SLK: variants seen among roughly 807,000 people sequenced by gnomAD.
The protein encoded by SLK is STE20 like kinase, also known as STE20-like serine/threonine-protein kinase.
Under a neutral mutation model 147.7 loss-of-function variants are expected in SLK, and 67 were observed. The observed-to-expected ratio is 0.45, with a 90% CI of 0.37 to 0.56. The LOEUF is 0.56. Ranked by LOEUF, SLK falls within the 20% of genes least tolerant of loss-of-function variation. The probability of loss-of-function intolerance (pLI) is 0.00; values close to 1 mark genes in which losing one functional copy is unlikely to be tolerated. For missense variants in SLK, 1,136 were observed against 1,438.8 expected, an observed-to-expected ratio of 0.79 and a Z score of 3.41; for synonymous variants, 441 against 475.0, an observed-to-expected ratio of 0.93 and a Z score of 0.93.
chr10:104,007,254 C>G (rs979813366), intron 11 of SLK, among the ~76,000 whole-genome samples: 8 of 152,202 alleles, frequency 5.3e-5, no homozygotes, highest in Middle Eastern at 3.4e-3. Flanking sequence ...TACTTCACAA[C>G]AATTAGCTAT....
At chr10:103,991,965 TG>T (rs1238221702) in intron 2 of SLK, among the ~76,000 whole-genome samples, 8 of 151,844 alleles carry the variant, frequency 5.3e-5, no homozygotes, top group African/African-American at 1.9e-4. Flanking sequence ...GGAAGTTTAG[TG>T]GGAGACATAA....
At chr10:103,985,511 G>C (rs1322325930) in intron 1 of SLK, among the ~76,000 whole-genome samples, 1 of 152,182 alleles carries the variant, frequency 6.6e-6, no homozygotes, top group Admixed American at 6.5e-5. Context: ...TCAGCCTTGA[G>C]ATGAAATCAA....
At chr10:103,981,367 G>C (rs945111997) in intron 1 of SLK, among the ~76,000 whole-genome samples, 5 of 151,972 alleles carry the variant, frequency 3.3e-5, no homozygotes, top group African/African-American at 1.2e-4. Context: ...CCAGTTCCGT[G>C]TTTTCTTTTG....
intron 1 of SLK, among the ~76,000 whole-genome samples, chr10:103,980,782 C>T (rs752656450): frequency 8.5e-5 from 13 of 152,222 alleles, no homozygotes; most frequent in Middle Eastern, 3.4e-3. Flanking sequence ...TATTTAGCTA[C>T]GAACGTGGGT....
chr10:104,014,967 A>C (rs1844443978), intron 13 of SLK, among the ~76,000 whole-genome samples: 1 of 152,088 alleles, frequency 6.6e-6, no homozygotes, highest in Non-Finnish European at 1.5e-5. Flanking sequence ...TCATACCTGA[A>C]AGTAATTTCT....
chr10:103,973,123 T>C (rs1331769229), intron 1 of SLK, among the ~76,000 whole-genome samples: 3 of 152,202 alleles, frequency 2.0e-5, no homozygotes, highest in Non-Finnish European at 4.4e-5. Flanking sequence ...ATGAAGATAA[T>C]CTTCTATATT....
intron 7 of SLK, among the ~76,000 whole-genome samples, 192 bp downstream of exon 7, chr10:104,000,140 CT>C (rs1844226416): frequency 6.6e-6 from 1 of 152,102 alleles, no homozygotes; most frequent in Non-Finnish European, 1.5e-5. Flanking sequence ...TCCTCCTGTG[CT>C]TTTTTGATTC....
intron 13 of SLK, among the ~76,000 whole-genome samples, chr10:104,013,203 G>A (rs1322425813): frequency 6.6e-6 from 1 of 152,218 alleles, no homozygotes; most frequent in Non-Finnish European, 1.5e-5. Context: ...TGGTCATACA[G>A]TCATGGAGCT....
intron 13 of SLK, among the ~76,000 whole-genome samples, chr10:104,014,796 C>T (rs534776532): frequency 7.2e-5 from 11 of 152,170 alleles, no homozygotes; most frequent in Admixed American, 2.0e-4. Context: ...TTAAAGGGCA[C>T]TCATTTTACA....
At chr10:103,995,975 T>G (rs1844166043) in intron 4 of SLK, among the ~76,000 whole-genome samples, 1 of 152,210 alleles carries the variant, frequency 6.6e-6, no homozygotes, top group Admixed American at 6.5e-5. Flanking sequence ...GTTCTGGTTC[T>G]CAAGGACATT....
At chr10:103,997,569 G>A (rs1020775687) in intron 4 of SLK, among the ~76,000 whole-genome samples, 5 of 148,596 alleles carry the variant, frequency 3.4e-5, no homozygotes, top group African/African-American at 1.0e-4. Context: ...CAGTTTCTCC[G>A]CATGCTTGTC....
At chr10:103,995,423 C>CTTT (rs756975426) in intron 4 of SLK, among the ~76,000 whole-genome samples, 82 of 67,678 alleles carry the variant, frequency 1.2e-3, no homozygotes, top group Non-Finnish European at 1.6e-3. Context: ...TCTTTCTTTT[C>CTTT]TTTTTTTTTT....
In SLK at chr10:104,018,925, T is replaced by C; in HGVS notation, c.3132+17T>C. The C allele has an allele frequency of 6.5e-7, 1 of 1,549,148 alleles. No individual in the cohort carries two copies. Among genetic ancestry groups the C allele is most frequent in the Admixed American group, 2.2e-5 (1 of 44,494 alleles). On this transcript the variant is annotated intron_variant, in intron 15 of 18. Transcript: ENST00000369755. ...CACGAGAAGGTTAATGAAAGGAAAA[T>C]TTCTTCATTTTTTTGTTCGTTTTAA...
chr10:104,013,691 C>T (rs1483705983), intron 13 of SLK, among the ~76,000 whole-genome samples: 1 of 152,158 alleles, frequency 6.6e-6, no homozygotes, highest in Admixed American at 6.5e-5. Flanking sequence ...TCTTCAACGC[C>T]CAAATGCAGG....
rs111410263 is a variant in SLK at position 103,999,534 on chromosome 10, T to G, written c.782+221T>G. On this transcript the variant is annotated intron_variant, in intron 6 of 18. Transcript: ENST00000369755. ...ATCTGAAAATATGAATGATTTGAGTTTTGCATGAGAAAGGTATTTTCTGTA... is the reference window on the plus strand; with the variant it reads ...ATCTGAAAATATGAATGATTTGAGTGTTGCATGAGAAAGGTATTTTCTGTA... Among the ~76,000 whole-genome samples the G allele has an allele frequency of 1.3e-3, 203 of 152,252 alleles. 1 individual carries two copies. Among genetic ancestry groups the G allele is most frequent in the African/African-American group, 4.7e-3 (196 of 41,552 alleles).
Position 103,996,335 on chromosome 10 carries a change from GT to G in SLK, c.515-2549del, listed in dbSNP as rs780860379. 8.8e-3 allele frequency among the ~76,000 whole-genome samples: 1,075 copies of G among 121,892 alleles called. 3 individuals carry two copies. Among genetic ancestry groups the G allele is most frequent in the Non-Finnish European group, 0.011 (599 of 56,578 alleles). The allele number at this position is 121,892 out of a possible 152,430, so 80.0% of individuals were successfully genotyped here. A position where few individuals can be genotyped will look rare whatever the true frequency, so the allele number is the denominator to read the frequency against. ...TGCTCTTTTTGCTTAGATGCTAAAA[GT>G]TTTTTTTTTTTTTTAAGACCAGTAG... On this transcript the variant is annotated intron_variant, in intron 4 of 18. Coordinates refer to ENST00000369755, the MANE Select transcript of SLK (RefSeq NM_014720.4).
At chr10:103,968,022 C>CT in intron 1 of SLK, 127 bp downstream of exon 1, 1 of 949,748 alleles carries the variant, frequency 1.1e-6, no homozygotes, top group Non-Finnish European at 1.6e-6. Flanking sequence ...TTCGATGCAA[C>CT]TTTACTTGGC....
chr10:104,003,600 G>C lies in SLK; in HGVS notation c.2349+73G>C, dbSNP rs1031987330. ...AATTCAGAGTTTATGTGAAATTGAT[G>C]TCTTGAAAATAAAACAGCATTAAAT... On this transcript the variant is annotated intron_variant, in intron 9 of 18. Transcript: ENST00000369755. The C allele has an allele frequency of 5.6e-6, 7 of 1,248,790 alleles. No homozygotes were observed. The East Asian group carries it at 1.6e-4, about 29-fold the overall frequency. The allele number at this position is 1,248,790 out of a possible 1,614,324, so 77.4% of individuals were successfully genotyped here.
At chr10:103,973,353 T>A (rs1843819043) in intron 1 of SLK, among the ~76,000 whole-genome samples, 1 of 152,172 alleles carries the variant, frequency 6.6e-6, no homozygotes, top group Non-Finnish European at 1.5e-5. Context: ...GCATTCTCCG[T>A]TCTCTTCATT....
Sources: gnomAD v4.1 joint callset for allele counts (sites outside exome capture counted in the v4.1 genomes callset) on GRCh38, gnomAD v4.1.1 for gene constraint, MANE v1.5 for transcripts, NCBI Gene and HGNC (gene_info 2026-07-23, HGNC 2026-07-21) for gene names.